EPSTI1: variants seen among roughly 807,000 people sequenced by gnomAD.
EPSTI1 encodes epithelial stromal interaction 1, also known as epithelial-stromal interaction protein 1.
A neutral mutation model predicts 49.9 loss-of-function variants in EPSTI1; 66 were observed. The ratio of observed to expected loss-of-function variants is 1.32; its 90% confidence interval spans 1.08 to 1.62. EPSTI1 has a LOEUF of 1.62. Among genes scored for constraint, EPSTI1 ranks in the 40% most tolerant of loss-of-function variants. EPSTI1 has a pLI of 0.00. For synonymous variants in EPSTI1, 137 were observed against 130.7 expected, an observed-to-expected ratio of 1.05 and a Z score of -0.33; for missense variants, 394 against 365.5, an observed-to-expected ratio of 1.08 and a Z score of -0.64.
intron 8 of EPSTI1, among the ~76,000 whole-genome samples, chr13:42,908,188 A>G (rs2037552855): frequency 6.6e-6 from 1 of 152,254 alleles, no homozygotes; most frequent in Non-Finnish European, 1.5e-5. Context: ...AAAGTACTAG[A>G]AGAGAATATG....
chr13:42,947,333 G>A (rs1320160596), intron 6 of EPSTI1, among the ~76,000 whole-genome samples: 1 of 152,120 alleles, frequency 6.6e-6, no homozygotes, highest in Non-Finnish European at 1.5e-5. Flanking sequence ...TGCCAACCAT[G>A]TATACAGTAG....
rs193136944 is a variant in EPSTI1, at chr13:42,947,009, A to T, written c.563+6939T>A. On this transcript the variant is annotated intron_variant, in intron 6 of 10. Coordinates refer to ENST00000313624, the MANE Select transcript of EPSTI1 (RefSeq NM_033255.5). ...CAAAAAGGTTGGGGACCACTGCTTT[A>T]TATACACTATAAACACAGATAAGTA... is the stretch of plus-strand genomic sequence containing the variant. 9.2e-5 allele frequency among the ~76,000 whole-genome samples: 14 copies of T among 152,314 alleles called. No individual in the cohort carries two copies. The East Asian group carries it at 2.3e-3, about 25-fold the overall frequency.
intron 6 of EPSTI1, among the ~76,000 whole-genome samples, chr13:42,932,463 T>G (rs2038408720): frequency 6.6e-6 from 1 of 151,972 alleles, no homozygotes; most frequent in South Asian, 2.1e-4. Flanking sequence ...GCCCCATATA[T>G]CTACCACTTA....
At chr13:42,933,573 T>C (rs994957794) in intron 6 of EPSTI1, among the ~76,000 whole-genome samples, 2 of 152,220 alleles carry the variant, frequency 1.3e-5, no homozygotes, top group Non-Finnish European at 2.9e-5. Flanking sequence ...TCTTTGCCAT[T>C]GTCATCCTTC....
intron 1 of EPSTI1, among the ~76,000 whole-genome samples, chr13:42,989,180 C>A (rs2040141518): frequency 6.6e-6 from 1 of 151,604 alleles, no homozygotes; most frequent in South Asian, 2.1e-4. Flanking sequence ...TGTTTTAAAC[C>A]AGTGTTTTTT....
chr13:42,932,711 T>A (rs1025938947), intron 6 of EPSTI1, among the ~76,000 whole-genome samples: 1 of 151,644 alleles, frequency 6.6e-6, no homozygotes, highest in African/African-American at 2.4e-5. Context: ...ATTAGTATAG[T>A]CTTAAAATAT....
intron 6 of EPSTI1, among the ~76,000 whole-genome samples, chr13:42,951,186 T>C (rs564451355): frequency 1.3e-5 from 2 of 152,148 alleles, no homozygotes; most frequent in African/African-American, 4.8e-5. Context: ...CCAAAGCACT[T>C]TCCTAGACAT....
chr13:42,917,578 C>T lies in EPSTI1; in HGVS notation c.704G>A (p.Arg235Lys). The T allele has an allele frequency of 7.0e-7, 1 of 1,427,038 alleles. No homozygotes were observed. The highest frequency in any genetic ancestry group is 9.4e-7 in the Non-Finnish European group (1 of 1,063,690). The allele number at this position is 1,427,038 out of a possible 1,614,324, so 88.4% of individuals were successfully genotyped here. ...TTCATCCTTCATCTTTTGCAATTTT[C>T]TGTTTTCTTCTGCCTTTAGAGAATC... Reference protein sequence around the residue: ...YRDSLKAEENRKLQKMKDEQH... With the variant: ...YRDSLKAEENKKLQKMKDEQH... Residue 235 changes from arginine (R) to lysine (K), a missense_variant, in exon 8 of 11, where the codon AGA becomes AAA. Transcript: ENST00000313624.
intron 7 of EPSTI1, among the ~76,000 whole-genome samples, chr13:42,919,140 T>C (rs2037922456): frequency 1.3e-5 from 2 of 152,234 alleles, no homozygotes; most frequent in African/African-American, 4.8e-5. Context: ...GTTGTTCTTT[T>C]ATTAGAATAC....
intron 1 of EPSTI1, among the ~76,000 whole-genome samples, chr13:42,985,011 G>C (rs1278094295): frequency 2.0e-5 from 3 of 152,192 alleles, no homozygotes; most frequent in Non-Finnish European, 4.4e-5. Context: ...CTGACACCAA[G>C]ATGGGGTTAG....
Position 42,966,512 on chromosome 13 carries a change from G to A in EPSTI1, c.332-2373C>T, listed in dbSNP as rs1208065499. Among the ~76,000 whole-genome samples the A allele has an allele frequency of 1.1e-4, 4 of 37,908 alleles. 1 individual carries two copies. In the Admixed American group the frequency reaches 1.3e-3, roughly 12 times the overall value. The allele number at this position is 37,908 out of a possible 152,430, so 24.9% of individuals were successfully genotyped here. On this transcript the variant is annotated intron_variant, in intron 3 of 10. Transcript: ENST00000313624. Reference sequence around the variant, plus strand: ...AGGTGAGGAGCGTCTCTGCCCGGCCGCCCCGTCTGAGAAGTGAGGAGACCC... The same window carrying A: ...AGGTGAGGAGCGTCTCTGCCCGGCCACCCCGTCTGAGAAGTGAGGAGACCC...
intron 1 of EPSTI1, among the ~76,000 whole-genome samples, chr13:42,983,424 C>G (rs990923080): frequency 6.6e-6 from 1 of 152,014 alleles, no homozygotes; most frequent in Non-Finnish European, 1.5e-5. Context: ...ATTAGCCAGG[C>G]ATGGTGGTGG....
At position 42,887,559 on chromosome 13, in the gene EPSTI1, G is replaced by A. The variant is rs117661149; in HGVS notation, c.*935C>T. 650 of 152,312 alleles carry A rather than the reference G, an allele frequency of 4.3e-3. No individual in the cohort carries two copies. Among genetic ancestry groups the A allele is most frequent in the Non-Finnish European group, 7.6e-3 (514 of 68,048 alleles). 9.4% of individuals were successfully genotyped at this position (152,312 alleles called of 1,614,324 possible). A position where few individuals can be genotyped will look rare whatever the true frequency, so the allele number is the denominator to read the frequency against. On this transcript the variant is annotated 3_prime_UTR_variant, in exon 11 of 11. Coordinates refer to ENST00000313624, the MANE Select transcript of EPSTI1 (RefSeq NM_033255.5). Reference sequence around the variant, plus strand: ...CTATACAATGTGGTGGCTGGGGGACGGTGAGGCGGAGGGGACAGAGGGATT... The same window carrying A: ...CTATACAATGTGGTGGCTGGGGGACAGTGAGGCGGAGGGGACAGAGGGATT...
Position 42,888,107 on chromosome 13 carries a change from T to C in EPSTI1, c.*387A>G, listed in dbSNP as rs2036914226. 9.6e-7 allele frequency: 1 copy of C among 1,037,354 alleles called. No individual in the cohort carries two copies. The highest frequency in any genetic ancestry group is 1.4e-6 in the Non-Finnish European group (1 of 721,852). 64.3% of individuals were successfully genotyped at this position (1,037,354 alleles called of 1,614,324 possible). On this transcript the variant is annotated 3_prime_UTR_variant, in exon 11 of 11. Transcript: ENST00000313624. The stretch of plus-strand genomic sequence containing the variant: ...AAAATCTAAAAAGACCCCCAAAGCT[T>C]TCAAAACCTGATCTGAGAATTAGAT...
intron 10 of EPSTI1, chr13:42,889,109 C>T (rs986032620): frequency 1.3e-5 from 12 of 920,362 alleles, no homozygotes; most frequent in Non-Finnish European, 2.1e-5. Context: ...TGCTTAACTG[C>T]CCCTGAAGAC....
chr13:42,924,508 G>T (rs945004350), intron 7 of EPSTI1, among the ~76,000 whole-genome samples: 1 of 152,152 alleles, frequency 6.6e-6, no homozygotes, highest in Non-Finnish European at 1.5e-5. Flanking sequence ...GATACAGGGA[G>T]CCCTCGAACG....
intron 7 of EPSTI1, among the ~76,000 whole-genome samples, chr13:42,925,860 A>G (rs559940536): frequency 1.3e-5 from 2 of 152,324 alleles, no homozygotes; most frequent in South Asian, 4.1e-4. Flanking sequence ...CTGATAAGGC[A>G]GTAGTGCTTT....
Position 42,917,638 on chromosome 13 carries a change from A to AAAAC in EPSTI1, c.658-15_658-14insGTTT. 1.0e-6 allele frequency: 1 copy of AAAAC among 990,230 alleles called. No homozygotes were observed. Among genetic ancestry groups the AAAAC allele is most frequent in the Non-Finnish European group, 1.5e-6 (1 of 680,188 alleles). 61.3% of individuals were successfully genotyped at this position (990,230 alleles called of 1,614,324 possible). ...CCAGCTTCTGGCCTGTAAAGGTACAAAGAGAAAAAAAAAAAAAAAAACAAC... is the reference window on the plus strand; with the variant it reads ...CCAGCTTCTGGCCTGTAAAGGTACAAAAACAGAGAAAAAAAAAAAAAAAAACAAC... On this transcript the variant is annotated splice_polypyrimidine_tract_variant and intron_variant, in intron 7 of 10. Coordinates refer to ENST00000313624, the MANE Select transcript of EPSTI1 (RefSeq NM_033255.5).
At position 42,911,135 on chromosome 13, in the gene EPSTI1, A is replaced by G. The variant is rs887374125; in HGVS notation, c.741+6406T>C. 2.0e-5 allele frequency among the ~76,000 whole-genome samples: 3 copies of G among 152,158 alleles called. No homozygotes were observed. In the South Asian group the frequency reaches 6.2e-4, roughly 32 times the overall value. ...AATAAACTCTACTTTCCTTTGGTAA[A>G]TTGCTATTAAGAGAAAAATTTCATC... On this transcript the variant is annotated intron_variant, in intron 8 of 10. Transcript: ENST00000313624.
Sources: allele counts gnomAD v4.1 joint callset (sites outside exome capture counted in the v4.1 genomes callset), GRCh38; gene constraint gnomAD v4.1.1; transcripts MANE v1.5; gene names NCBI Gene and HGNC (gene_info 2026-07-23, HGNC 2026-07-21).